Variants in GART observed in about 807,000 individuals in gnomAD.
The protein encoded by GART is phosphoribosylglycinamide formyltransferase, phosphoribosylglycinamide synthetase, phosphoribosylaminoimidazole synthetase.
A neutral mutation model predicts 107.2 loss-of-function variants in GART; 43 were observed. That is an observed-to-expected ratio of 0.40 (90% CI 0.31 to 0.52). GART has a LOEUF of 0.52. GART is among the 20% of genes least tolerant of loss of function. The pLI is 0.52. For missense variants in GART, 1,107 were observed against 1,206.5 expected (o/e 0.92, Z 1.22); for synonymous variants, 434 against 427.0 (o/e 1.02, Z -0.20).
At chr21:33,512,657 CG>C (rs1238487427) in intron 16 of GART, among the ~76,000 whole-genome samples, 6 of 151,962 alleles carry the variant, frequency 3.9e-5, no homozygotes, top group African/African-American at 1.2e-4. Context: ...GGCATGAACA[CG>C]GCTCACTGTA....
chr21:33,535,328 CAG>C lies in GART; in HGVS notation c.146-10_146-9del. The C allele has an allele frequency of 2.4e-5, 8 of 326,852 alleles. No homozygotes were observed. The highest frequency in any genetic ancestry group is 3.7e-5 in the Non-Finnish European group (7 of 190,872). The allele number at this position is 326,852 out of a possible 1,614,324, so 20.2% of individuals were successfully genotyped here. On this transcript the variant is annotated splice_polypyrimidine_tract_variant and intron_variant, in intron 2 of 21. Coordinates refer to ENST00000381815, the MANE Select transcript of GART (RefSeq NM_000819.5). ...GGTCACTGATTGAGATGGCTGTAAA[CAG>C]AAAAAAAAAAAAAAAAACCACTGCA...
At chr21:33,521,649 A>AC (rs1381316487) in intron 12 of GART, among the ~76,000 whole-genome samples, 1 of 149,794 alleles carries the variant, frequency 6.7e-6, no homozygotes, top group East Asian at 2.0e-4. Flanking sequence ...AAAAAAAAAA[A>AC]AAAGGAAGTA....
At chr21:33,520,234 A>G (rs2145712427) in intron 14 of GART, 130 bp downstream of exon 14, 3 of 730,402 alleles carry the variant, frequency 4.1e-6, no homozygotes, top group South Asian at 3.6e-5. Flanking sequence ...TCATTTGTGC[A>G]TATCACATAT....
chr21:33,539,089 T>C (rs1451617675), intron 2 of GART, 82 bp downstream of exon 2: 19 of 1,340,202 alleles, frequency 1.4e-5, no homozygotes, highest in Non-Finnish European at 1.7e-5. Flanking sequence ...CTATCTTTAT[T>C]AACATAAAGT....
Position 33,504,135 on chromosome 21 carries a change from T to G in GART, c.3022A>C (p.Lys1008Gln). 1.9e-6 allele frequency: 3 copies of G among 1,611,130 alleles called. No homozygotes were observed. The highest frequency in any genetic ancestry group is 2.5e-6 in the Non-Finnish European group (3 of 1,178,300). ...TGAATTAAAAGGCTTCATTCCTCTT[T>G]AACCCAACAGATCTTGCCATTTTCT... Reference protein sequence around the residue: ...LGENGKICWVKEE With the variant: ...LGENGKICWVQEE Residue 1008 changes from lysine (K) to glutamine (Q), a missense_variant, in exon 22 of 22, where the codon AAA becomes CAA. Physicochemically the swap from Lys to Gln is moderately conservative, Grantham distance 53. Coordinates refer to ENST00000381815, the MANE Select transcript of GART (RefSeq NM_000819.5).
At chr21:33,514,999 CA>C (rs1170961570) in intron 16 of GART, among the ~76,000 whole-genome samples, 8 of 152,336 alleles carry the variant, frequency 5.3e-5, no homozygotes, top group African/African-American at 1.9e-4. Flanking sequence ...TGCTTCTCCC[CA>C]ATGAATGACC....
intron 11 of GART, 165 bp downstream of exon 11, chr21:33,524,604 A>G: frequency 1.0e-6 from 1 of 957,998 alleles, no homozygotes; most frequent in Non-Finnish European, 1.4e-6. Context: ...CCATTTGAGT[A>G]TTGCTATAAC....
intron 2 of GART, 71 bp from the exon 3 acceptor site, chr21:33,535,391 C>G (rs2085285165): frequency 3.1e-6 from 3 of 973,792 alleles, no homozygotes; most frequent in Non-Finnish European, 4.4e-6. Flanking sequence ...AACTAAGTGT[C>G]TCACTAAAAA....
At position 33,534,632 on chromosome 21, in the gene GART, G is replaced by C. The variant is rs150279055; in HGVS notation, c.363C>G (p.Thr121=). The C allele has an allele frequency of 1.9e-6, 3 of 1,614,018 alleles. No homozygotes were observed. The highest frequency in any genetic ancestry group is 2.5e-6 in the Non-Finnish European group (3 of 1,180,046). ...GTTTGGTGAAAGCCTTCCATTGTGC[G>C]GTTGGGATTCCATGTCTGTCCATAA... The part of the protein sequence containing the change: ...KEFMDRHGIP[T]AQWKAFTKPE... The change falls in exon 4 of 22, where the codon ACC becomes ACG. Residue 121 remains threonine, a synonymous_variant. Transcript: ENST00000381815.
intron 2 of GART, among the ~76,000 whole-genome samples, chr21:33,537,262 T>A (rs776778370): frequency 3.3e-5 from 5 of 152,222 alleles, no homozygotes; most frequent in Non-Finnish European, 7.3e-5. Flanking sequence ...ATCTCACCCG[T>A]AGAATTAAGA....
At position 33,524,911 on chromosome 21, in the gene GART, C is replaced by G; in HGVS notation, c.1156G>C (p.Val386Leu). 1.2e-6 allele frequency: 2 copies of G among 1,614,212 alleles called. No individual in the cohort carries two copies. Among genetic ancestry groups the G allele is most frequent in the Non-Finnish European group, 1.7e-6 (2 of 1,180,038 alleles). ...TCCCGGATGGCTGTGACTGCAAGAACTCTACCCCCATGAGTTACTACTTTG... is the reference window on the plus strand; with the variant it reads ...TCCCGGATGGCTGTGACTGCAAGAAGTCTACCCCCATGAGTTACTACTTTG... ...NGKVVTHGGR[V>L]LAVTAIRENL... The change falls in exon 11 of 22, where the codon GTT becomes CTT. Residue 386 changes from valine to leucine, a missense_variant. Transcript: ENST00000381815.
intron 14 of GART, among the ~76,000 whole-genome samples, chr21:33,520,043 C>T (rs1054011106): frequency 6.6e-6 from 1 of 152,002 alleles, no homozygotes; most frequent in African/African-American, 2.4e-5. Flanking sequence ...GAAATAACTC[C>T]TAGACCTGTT....
intron 16 of GART, among the ~76,000 whole-genome samples, chr21:33,512,450 A>G (rs1037456120): frequency 2.0e-5 from 3 of 152,062 alleles, no homozygotes; most frequent in African/African-American, 7.2e-5. Flanking sequence ...CGATTATGGG[A>G]TCTGATTTTT....
intron 10 of GART, among the ~76,000 whole-genome samples, chr21:33,527,647 A>G (rs2085099519): frequency 2.6e-5 from 4 of 152,126 alleles, no homozygotes; most frequent in Admixed American, 2.6e-4. Flanking sequence ...ATTTAACGAG[A>G]TGTTTCACCT....
intron 14 of GART, among the ~76,000 whole-genome samples, chr21:33,518,063 T>G (rs770048829): frequency 6.6e-6 from 1 of 152,206 alleles, no homozygotes; most frequent in Non-Finnish European, 1.5e-5. Context: ...TACAATTATA[T>G]CATGTCAAGA....
At chr21:33,533,596 C>T (rs887147979) in intron 4 of GART, among the ~76,000 whole-genome samples, 6 of 151,780 alleles carry the variant, frequency 4.0e-5, no homozygotes, top group African/African-American at 1.2e-4. Flanking sequence ...TTGTAAGATG[C>T]CACTGCGTTT....
At chr21:33,534,807 C>A (rs1341902496) in intron 3 of GART, 54 bp from the exon 4 acceptor site, 1 of 1,467,602 alleles carries the variant, frequency 6.8e-7, no homozygotes, top group Non-Finnish European at 9.1e-7. Flanking sequence ...AGGGGCTTTT[C>A]AGCCTGAAGA....
intron 2 of GART, among the ~76,000 whole-genome samples, chr21:33,536,888 A>G (rs1569036732): frequency 6.6e-6 from 1 of 152,196 alleles, no homozygotes; most frequent in Non-Finnish European, 1.5e-5. Context: ...GAAATTTTCC[A>G]TTTAATATTT....
At chr21:33,535,028 C>T (rs1421038429) in intron 3 of GART, among the ~76,000 whole-genome samples, 197 bp downstream of exon 3, 1 of 152,118 alleles carries the variant, frequency 6.6e-6, no homozygotes, top group Non-Finnish European at 1.5e-5. Context: ...TTTTCCATGG[C>T]TGCAAATTTG....
Sources: gnomAD v4.1 joint callset for allele counts (sites outside exome capture counted in the v4.1 genomes callset) on GRCh38, gnomAD v4.1.1 for gene constraint, MANE v1.5 for transcripts, NCBI Gene and HGNC (gene_info 2026-07-23, HGNC 2026-07-21) for gene names.